The following CADM2 variants were observed in gnomAD, a reference collection of about 807,000 sequenced individuals.
The protein encoded by CADM2 is cell adhesion molecule 2.
In CADM2, 12 loss-of-function variants were observed where a neutral mutation model predicts 49.8. The ratio of observed to expected loss-of-function variants is 0.24; its 90% confidence interval spans 0.15 to 0.39. The LOEUF (loss-of-function observed/expected upper bound fraction) is 0.39. CADM2 is among the 10% of genes least tolerant of loss of function. The pLI is 1.00. For synonymous variants in CADM2, 214 were observed against 175.4 expected (o/e 1.22, Z -1.74); for missense variants, 378 against 492.3 (o/e 0.77, Z 2.20).
chr3:85,826,942 A>AC (rs1298953699), intron 3 of CADM2, among the ~76,000 whole-genome samples: 1 of 151,998 alleles, frequency 6.6e-6, no homozygotes, highest in Non-Finnish European at 1.5e-5. Context: ...ATGCTGTTAC[A>AC]TTCTGATTAC....
chr3:85,437,304 T>C (rs990152010), intron 1 of CADM2, among the ~76,000 whole-genome samples: 16 of 152,142 alleles, frequency 1.1e-4, no homozygotes, highest in African/African-American at 3.9e-4. Context: ...TGAAAAAGTT[T>C]CTGTAAACAG....
At chr3:85,776,629 A>G (rs1194424502) in intron 2 of CADM2, among the ~76,000 whole-genome samples, 4 of 152,084 alleles carry the variant, frequency 2.6e-5, no homozygotes, top group Non-Finnish European at 4.4e-5. Context: ...GTTGTTGACA[A>G]TAACATACAC....
chr3:85,870,110 G>C (rs2075867079), intron 3 of CADM2, among the ~76,000 whole-genome samples: 2 of 152,090 alleles, frequency 1.3e-5, no homozygotes, highest in South Asian at 4.1e-4. Context: ...AAACAATTCT[G>C]ATCACTTCAA....
At chr3:86,051,135 A>C (rs534005254) in intron 8 of CADM2, among the ~76,000 whole-genome samples, 1 of 152,334 alleles carries the variant, frequency 6.6e-6, no homozygotes, top group African/African-American at 2.4e-5. Flanking sequence ...TGTTAGAAGC[A>C]GCCAGATCAA....
At chr3:85,553,670 C>G (rs2061874959) in intron 1 of CADM2, among the ~76,000 whole-genome samples, 1 of 152,224 alleles carries the variant, frequency 6.6e-6, no homozygotes, top group African/African-American at 2.4e-5. Flanking sequence ...TCAGCACTTA[C>G]TACCAGAGAT....
At chr3:85,935,645 A>G (rs1721114730) in intron 6 of CADM2, 122 bp from the exon 7 acceptor site, 1 of 434,444 alleles carries the variant, frequency 2.3e-6, no homozygotes, top group Non-Finnish European at 4.1e-6. Flanking sequence ...GAAATCCTTT[A>G]TAAATATACA....
At chr3:85,371,700 T>TAC (rs2033251888) in intron 1 of CADM2, among the ~76,000 whole-genome samples, 2 of 142,988 alleles carry the variant, frequency 1.4e-5, no homozygotes, top group South Asian at 4.4e-4. Context: ...TATATATATA[T>TAC]ATATATATAT....
intron 3 of CADM2, among the ~76,000 whole-genome samples, chr3:85,807,020 A>G (rs1027791410): frequency 2.6e-5 from 4 of 152,220 alleles, no homozygotes; most frequent in African/African-American, 9.6e-5. Flanking sequence ...AATGTCTGGT[A>G]GTGAAGAACT....
intron 8 of CADM2, among the ~76,000 whole-genome samples, chr3:86,046,065 T>C (rs1476343615): frequency 3.3e-5 from 5 of 152,154 alleles, no homozygotes; most frequent in African/African-American, 9.7e-5. Context: ...TGAACTGAGA[T>C]TGAACAAAAT....
chr3:85,647,209 T>A (rs1279375397), intron 1 of CADM2, among the ~76,000 whole-genome samples: 1 of 151,874 alleles, frequency 6.6e-6, no homozygotes, highest in African/African-American at 2.4e-5. Flanking sequence ...ATTTTCTTGC[T>A]AAAACTTGTA....
At chr3:85,489,806 TGA>T (rs60906747) in intron 1 of CADM2, among the ~76,000 whole-genome samples, 44 of 143,918 alleles carry the variant, frequency 3.1e-4, no homozygotes, top group Admixed American at 4.2e-4. Context: ...TGTGTGTGTG[TGA>T]GAGAGAGAGA....
intron 1 of CADM2, among the ~76,000 whole-genome samples, chr3:85,719,376 C>A (rs567759688): frequency 3.2e-4 from 49 of 152,188 alleles, no homozygotes; most frequent in African/African-American, 1.2e-3. Context: ...CACTGACTCC[C>A]CACCACAGTC....
chr3:85,705,961 GA>G (rs1425048317), intron 1 of CADM2, among the ~76,000 whole-genome samples: 1 of 152,066 alleles, frequency 6.6e-6, no homozygotes, highest in Non-Finnish European at 1.5e-5. Flanking sequence ...ATGTGTCTGT[GA>G]AATAGGTACA....
intron 1 of CADM2, among the ~76,000 whole-genome samples, chr3:85,458,376 G>T (rs1163900687): frequency 6.6e-6 from 1 of 152,140 alleles, no homozygotes; most frequent in African/African-American, 2.4e-5. Context: ...ATAATGGAAA[G>T]TTCTGGTGTA....
At chr3:84,983,778 G>A (rs2032356464) in intron 1 of CADM2, among the ~76,000 whole-genome samples, 1 of 152,012 alleles carries the variant, frequency 6.6e-6, no homozygotes, top group South Asian at 2.1e-4. Flanking sequence ...TCAAACATCA[G>A]CTTTTGCATT....
chr3:85,016,405 G>C (rs952549277), intron 1 of CADM2, among the ~76,000 whole-genome samples: 1 of 152,202 alleles, frequency 6.6e-6, no homozygotes, highest in Non-Finnish European at 1.5e-5. Context: ...ATGCAGTTAT[G>C]AGTTTGAATT....
At chr3:85,673,497 A>AT (rs2065805637) in intron 1 of CADM2, among the ~76,000 whole-genome samples, 1 of 151,602 alleles carries the variant, frequency 6.6e-6, no homozygotes, top group Non-Finnish European at 1.5e-5. Flanking sequence ...GCTATTAAAA[A>AT]AAAAAAAAAC....
Position 85,013,928 on chromosome 3 carries a change from A to G in CADM2, c.61+54260A>G, listed in dbSNP as rs574137210. On this transcript the variant is annotated intron_variant, in intron 1 of 9. Coordinates refer to ENST00000383699, the MANE Select transcript of CADM2 (RefSeq NM_001167675.2). ...CTGTCCTCAGTACAATATTATATAT[A>G]CGCAGTGTAATAATATTGTATATTA... 2.0e-5 allele frequency among the ~76,000 whole-genome samples: 3 copies of G among 146,672 alleles called. No homozygotes were observed. The East Asian group carries it at 5.9e-4, about 29-fold the overall frequency.
chr3:86,040,691 A>G (rs1158034864), intron 8 of CADM2, among the ~76,000 whole-genome samples: 2 of 152,228 alleles, frequency 1.3e-5, no homozygotes, highest in Non-Finnish European at 2.9e-5. Flanking sequence ...TCCCCAATCT[A>G]GCAAGACAGG....
Sources: allele counts gnomAD v4.1 joint callset (sites outside exome capture counted in the v4.1 genomes callset), GRCh38; gene constraint gnomAD v4.1.1; transcripts MANE v1.5; gene names NCBI Gene and HGNC (gene_info 2026-07-23, HGNC 2026-07-21).